Variants in DLG2 observed in about 807,000 individuals in gnomAD.
DLG2 encodes the protein discs large MAGUK scaffold protein 2, also known as disks large homolog 2.
In DLG2, 45 loss-of-function variants were observed where a neutral mutation model predicts 132.5. That is an observed-to-expected ratio of 0.34 (90% CI 0.27 to 0.44). The LOEUF is 0.44. DLG2 is among the 20% of genes least tolerant of loss of function. The pLI, the probability that DLG2 is intolerant of heterozygous loss-of-function variation, is 1.00. For synonymous variants in DLG2, 424 were observed against 419.6 expected (o/e 1.01, Z -0.13); for missense variants, 1,045 against 1,196.9 (o/e 0.87, Z 1.87).
At chr11:85,187,749 A>G (rs2080222269) in intron 4 of DLG2, among the ~76,000 whole-genome samples, 1 of 152,112 alleles carries the variant, frequency 6.6e-6, no homozygotes, top group Admixed American at 6.5e-5. Context: ...TTTGCAGCCT[A>G]AGGGAACTCG....
intron 18 of DLG2, among the ~76,000 whole-genome samples, chr11:83,669,456 T>A (rs183921331): frequency 6.6e-6 from 1 of 152,180 alleles, no homozygotes. Context: ...TCTATGCCAA[T>A]GTATACATAT....
chr11:84,482,649 AC>A (rs2099140847), intron 7 of DLG2, among the ~76,000 whole-genome samples: 1 of 152,096 alleles, frequency 6.6e-6, no homozygotes, highest in Admixed American at 6.5e-5. Context: ...GCATGGTAAA[AC>A]CCTGAATTTT....
intron 3 of DLG2, among the ~76,000 whole-genome samples, chr11:85,355,284 A>G (rs1173171564): frequency 1.3e-5 from 2 of 152,178 alleles, no homozygotes; most frequent in Non-Finnish European, 2.9e-5. Context: ...TAAATCAAAT[A>G]TATGGAAAAT....
chr11:83,483,580 C>T (rs1243860424), intron 22 of DLG2, among the ~76,000 whole-genome samples: 1 of 152,118 alleles, frequency 6.6e-6, no homozygotes. Context: ...TGGTCAATCA[C>T]GTTGCCACAG....
In DLG2 at chr11:84,913,212, T is replaced by G. The variant is rs2092233172; in HGVS notation, c.357+198449A>C. Among the ~76,000 whole-genome samples, 3 of 152,180 alleles carry G rather than the reference T, an allele frequency of 2.0e-5. 1 individual carries two copies. The South Asian group carries it at 6.2e-4, about 32-fold the overall frequency. ...GTTGGCTTCTGTTTAAAAGAATCAT[T>G]AAAACCCCAGCTCAAAGCCATTATT... is the stretch of plus-strand genomic sequence containing the variant. On this transcript the variant is annotated intron_variant, in intron 6 of 27. Coordinates refer to ENST00000376104, the MANE Select transcript of DLG2 (RefSeq NM_001142699.3).
chr11:85,543,052 T>C (rs559206173), intron 3 of DLG2, among the ~76,000 whole-genome samples: 2 of 152,288 alleles, frequency 1.3e-5, no homozygotes, highest in South Asian at 2.1e-4. Context: ...GTTTGTTACA[T>C]AGGTATACAT....
intron 7 of DLG2, among the ~76,000 whole-genome samples, chr11:84,308,904 C>T (rs1191933716): frequency 6.6e-6 from 1 of 152,188 alleles, no homozygotes; most frequent in African/African-American, 2.4e-5. Context: ...CCCCAGTTCC[C>T]GCCCGCGCCT....
intron 6 of DLG2, among the ~76,000 whole-genome samples, chr11:84,823,609 A>T (rs561899324): frequency 0.023 from 3,480 of 150,852 alleles, 134 homozygotes; most frequent in African/African-American, 0.079. Flanking sequence ...ACACACACAC[A>T]CACACACACA....
intron 3 of DLG2, among the ~76,000 whole-genome samples, chr11:85,374,595 C>G (rs1244290542): frequency 6.6e-6 from 1 of 152,068 alleles, no homozygotes; most frequent in Non-Finnish European, 1.5e-5. Flanking sequence ...GTGATCTACC[C>G]GCCTCAGCCT....
chr11:85,296,012 T>C (rs976060467), intron 3 of DLG2, among the ~76,000 whole-genome samples: 1 of 152,214 alleles, frequency 6.6e-6, no homozygotes, highest in South Asian at 2.1e-4. Context: ...ATTGACTCTA[T>C]TGGCCTCTCA....
chr11:83,638,862 C>A (rs913667235), intron 18 of DLG2, among the ~76,000 whole-genome samples: 1 of 152,182 alleles, frequency 6.6e-6, no homozygotes, highest in African/African-American at 2.4e-5. Flanking sequence ...ATCTCAAGGC[C>A]TTGAGCTACT....
chr11:84,580,085 A>C (rs1565358333), intron 6 of DLG2, among the ~76,000 whole-genome samples: 1 of 152,192 alleles, frequency 6.6e-6, no homozygotes, highest in Non-Finnish European at 1.5e-5. Flanking sequence ...TCTAGAAATC[A>C]GGGGGAGGAA....
intron 16 of DLG2, among the ~76,000 whole-genome samples, chr11:83,866,005 T>C (rs1299924930): frequency 6.6e-6 from 1 of 152,136 alleles, no homozygotes; most frequent in Non-Finnish European, 1.5e-5. Context: ...ATAAGAGCCT[T>C]CCATGACCTC....
At chr11:83,770,356 A>G (rs1188497954) in intron 18 of DLG2, among the ~76,000 whole-genome samples, 1 of 151,424 alleles carries the variant, frequency 6.6e-6, no homozygotes, top group Non-Finnish European at 1.5e-5. Context: ...AAAAAAAAAA[A>G]GAAAGTAAAG....
chr11:84,092,859 A>C (rs2097112906), intron 10 of DLG2, among the ~76,000 whole-genome samples: 1 of 151,986 alleles, frequency 6.6e-6, no homozygotes, highest in Non-Finnish European at 1.5e-5. Flanking sequence ...AACATGGTGA[A>C]ACCCTGATTC....
At chr11:84,425,488 T>A (rs1288506270) in intron 7 of DLG2, among the ~76,000 whole-genome samples, 2 of 152,180 alleles carry the variant, frequency 1.3e-5, no homozygotes, top group African/African-American at 4.8e-5. Context: ...AAATTCTTAC[T>A]TGTGTATTAC....
intron 3 of DLG2, among the ~76,000 whole-genome samples, chr11:85,406,218 T>C (rs185304640): frequency 1.1e-3 from 168 of 150,156 alleles, no homozygotes; most frequent in African/African-American, 3.9e-3. Context: ...GTGCCTCTGA[T>C]AAGAAACCAG....
chr11:84,885,959 T>C (rs989055916), intron 6 of DLG2, among the ~76,000 whole-genome samples: 38 of 152,130 alleles, frequency 2.5e-4, no homozygotes. Context: ...GTTTATTGAA[T>C]GCCCACTATT....
At chr11:84,510,785 A>G (rs935998604) in intron 7 of DLG2, among the ~76,000 whole-genome samples, 2 of 151,992 alleles carry the variant, frequency 1.3e-5, no homozygotes, top group African/African-American at 4.8e-5. Flanking sequence ...TATTGAGTAA[A>G]TTATTATTAA....
Sources: allele counts gnomAD v4.1 joint callset (sites outside exome capture counted in the v4.1 genomes callset), GRCh38; gene constraint gnomAD v4.1.1; transcripts MANE v1.5; gene names NCBI Gene and HGNC (gene_info 2026-07-23, HGNC 2026-07-21).